Variants in NAALADL2 observed in about 807,000 individuals in gnomAD.
The protein encoded by NAALADL2 is inactive N-acetylated-alpha-linked acidic dipeptidase-like protein 2.
In NAALADL2, 76 loss-of-function variants were observed where a neutral mutation model predicts 87.2. The observed-to-expected ratio is 0.87, with a 90% CI of 0.72 to 1.05. The LOEUF (loss-of-function observed/expected upper bound fraction) is 1.05, where lower values mean the gene tolerates loss of function less well. Among genes scored for constraint, NAALADL2 ranks in the 50% least tolerant of loss-of-function variants. The probability of loss-of-function intolerance (pLI) is 0.00; values close to 1 mark genes in which losing one functional copy is unlikely to be tolerated. For synonymous variants in NAALADL2, 354 were observed against 331.0 expected (o/e 1.07, Z -0.75); for missense variants, 1,089 against 945.8 (o/e 1.15, Z -1.99).
chr3:175,551,424 A>G (rs1161565006), intron 9 of NAALADL2, among the ~76,000 whole-genome samples: 2 of 152,178 alleles, frequency 1.3e-5, no homozygotes, highest in Non-Finnish European at 2.9e-5. Flanking sequence ...TCAATTGGAT[A>G]TATAAAACAG....
intron 3 of NAALADL2, among the ~76,000 whole-genome samples, chr3:174,839,973 C>T (rs1214086166): frequency 6.6e-6 from 1 of 152,046 alleles, no homozygotes; most frequent in African/African-American, 2.4e-5. Context: ...AGTAGAACTA[C>T]CATTTGATCC....
At chr3:174,549,885 TG>T (rs1286809743) in intron 1 of NAALADL2, among the ~76,000 whole-genome samples, 1 of 151,932 alleles carries the variant, frequency 6.6e-6, no homozygotes, top group Non-Finnish European at 1.5e-5. Context: ...TCCATAACAG[TG>T]GTTTTTTGTT....
chr3:175,317,625 T>C (rs980872395), intron 4 of NAALADL2, among the ~76,000 whole-genome samples: 1 of 152,082 alleles, frequency 6.6e-6, no homozygotes, highest in Non-Finnish European at 1.5e-5. Flanking sequence ...CAATATGTGG[T>C]TATAGATGGA....
intron 1 of NAALADL2, among the ~76,000 whole-genome samples, chr3:175,046,995 TTC>T (rs1290874256): frequency 2.6e-5 from 4 of 152,110 alleles, no homozygotes; most frequent in Admixed American, 6.6e-5. Context: ...AGGGACTGAT[TTC>T]TGTGTCATAG....
chr3:175,084,729 T>G (rs542755368), intron 1 of NAALADL2, among the ~76,000 whole-genome samples: 132 of 152,264 alleles, frequency 8.7e-4, no homozygotes, highest in African/African-American at 3.0e-3. Context: ...GGTCAAAGAA[T>G]TATCATAAGA....
chr3:175,718,997 A>C (rs1741817965), intron 11 of NAALADL2, among the ~76,000 whole-genome samples: 1 of 152,170 alleles, frequency 6.6e-6, no homozygotes, highest in African/African-American at 2.4e-5. Context: ...GATTGCCATT[A>C]TCTCATCCGC....
intron 1 of NAALADL2, among the ~76,000 whole-genome samples, chr3:175,016,606 TAAAGA>T (rs1319388377): frequency 1.3e-5 from 2 of 151,802 alleles, no homozygotes; most frequent in Admixed American, 1.3e-4. Context: ...ATACGCAAAT[TAAAGA>T]AATCTTCTTA....
At chr3:174,543,080 T>G (rs774486284) in intron 1 of NAALADL2, among the ~76,000 whole-genome samples, 1 of 152,168 alleles carries the variant, frequency 6.6e-6, no homozygotes, top group Non-Finnish European at 1.5e-5. Context: ...AGATTGATAG[T>G]GCAAGAAGGA....
At chr3:175,063,985 C>CT (rs1212665393) in intron 1 of NAALADL2, among the ~76,000 whole-genome samples, 18 of 152,122 alleles carry the variant, frequency 1.2e-4, no homozygotes, top group African/African-American at 3.6e-4. Context: ...AATAATTCAG[C>CT]TGTCACTTAA....
At chr3:174,847,992 A>G (rs9818108) in intron 3 of NAALADL2, among the ~76,000 whole-genome samples, 32,826 of 149,224 alleles carry the variant, frequency 0.22, 3,813 homozygotes, top group East Asian at 0.44. Context: ...TAAGTATTCT[A>G]ACTCTTTTCT....
intron 5 of NAALADL2, among the ~76,000 whole-genome samples, chr3:175,370,759 G>T (rs1478458327): frequency 3.3e-5 from 5 of 152,076 alleles, no homozygotes. Flanking sequence ...TATTACAAAA[G>T]ACATTCACTT....
chr3:175,808,983 A>G lies in NAALADL2; in HGVS notation c.*5780A>G, dbSNP rs1411393934. ...CTTTATTCAATATGTTACCACTCATATGGTCATTACTTGGTAAGTGTTTTA... is the reference window on the plus strand; with the variant it reads ...CTTTATTCAATATGTTACCACTCATGTGGTCATTACTTGGTAAGTGTTTTA... On this transcript the variant is annotated 3_prime_UTR_variant, in exon 14 of 14. Coordinates refer to ENST00000454872, the MANE Select transcript of NAALADL2 (RefSeq NM_207015.3). The G allele has an allele frequency of 6.6e-6, 1 of 151,942 alleles. No individual in the cohort carries two copies. The highest frequency in any genetic ancestry group is 2.4e-5 in the African/African-American group (1 of 41,406). The allele number at this position is 151,942 out of a possible 1,614,324, so 9.4% of individuals were successfully genotyped here.
At chr3:175,073,499 T>A (rs1457117581) in intron 1 of NAALADL2, among the ~76,000 whole-genome samples, 1 of 152,094 alleles carries the variant, frequency 6.6e-6, no homozygotes, top group Non-Finnish European at 1.5e-5. Flanking sequence ...ACCTGGAACA[T>A]CAGACAGGAG....
chr3:175,270,357 A>G (rs1752636820), intron 4 of NAALADL2, among the ~76,000 whole-genome samples: 1 of 152,214 alleles, frequency 6.6e-6, no homozygotes, highest in African/African-American at 2.4e-5. Context: ...GTATGGTAAA[A>G]ATCAACTAGT....
At chr3:174,554,892 A>G (rs1712566324) in intron 2 of NAALADL2, among the ~76,000 whole-genome samples, 1 of 152,236 alleles carries the variant, frequency 6.6e-6, no homozygotes, top group African/African-American at 2.4e-5. Flanking sequence ...GGTCCAGATC[A>G]AGTAGCCAGA....
intron 2 of NAALADL2, among the ~76,000 whole-genome samples, chr3:174,710,380 G>C (rs956993871): frequency 6.6e-6 from 1 of 151,744 alleles, no homozygotes; most frequent in Non-Finnish European, 1.5e-5. Context: ...TCAGCCTTCG[G>C]AGTAGCTGGG....
intron 1 of NAALADL2, among the ~76,000 whole-genome samples, chr3:174,943,640 G>A (rs561635274): frequency 2.2e-4 from 33 of 152,326 alleles, no homozygotes; most frequent in Middle Eastern, 3.4e-3. Flanking sequence ...CCACCCCAAA[G>A]AGATGCAGGT....
At chr3:175,611,138 T>C (rs1340606392) in intron 10 of NAALADL2, among the ~76,000 whole-genome samples, 1 of 152,090 alleles carries the variant, frequency 6.6e-6, no homozygotes, top group Non-Finnish European at 1.5e-5. Context: ...TTTGTGAGAA[T>C]TATTGCTCTT....
At chr3:175,299,352 A>G (rs1756755118) in intron 4 of NAALADL2, among the ~76,000 whole-genome samples, 1 of 151,670 alleles carries the variant, frequency 6.6e-6, no homozygotes, top group African/African-American at 2.4e-5. Flanking sequence ...CTTGATGGGG[A>G]TAGCATTCAA....
Sources: allele counts gnomAD v4.1 joint callset (sites outside exome capture counted in the v4.1 genomes callset), GRCh38; gene constraint gnomAD v4.1.1; transcripts MANE v1.5; gene names NCBI Gene and HGNC (gene_info 2026-07-23, HGNC 2026-07-21).